Variants in PTPRD observed in about 807,000 individuals in gnomAD.
PTPRD encodes protein tyrosine phosphatase receptor type D.
PTPRD carries 34 observed loss-of-function variants against 214.5 expected under a neutral mutation model. The observed-to-expected ratio is 0.16, with a 90% confidence interval of 0.12 to 0.21. PTPRD has a LOEUF of 0.21. Among genes scored for constraint, PTPRD ranks in the 10% least tolerant of loss-of-function variants. The probability of loss-of-function intolerance (pLI) is 1.00; values close to 1 mark genes in which losing one functional copy is unlikely to be tolerated. For missense variants in PTPRD, 2,545 were observed against 2,398.7 expected, an observed-to-expected ratio of 1.06 and a Z score of -1.27; for synonymous variants, 1,128 against 845.7, an observed-to-expected ratio of 1.33 and a Z score of -5.79.
chr9:8,723,849 C>T (rs12682840), intron 12 of PTPRD, among the ~76,000 whole-genome samples: 1 of 152,152 alleles, frequency 6.6e-6, no homozygotes, highest in Non-Finnish European at 1.5e-5. Flanking sequence ...GTATTTTTAG[C>T]TTAAAAGGAA....
At chr9:8,546,234 G>A (rs1339328105) in intron 14 of PTPRD, among the ~76,000 whole-genome samples, 1 of 152,174 alleles carries the variant, frequency 6.6e-6, no homozygotes, top group African/African-American at 2.4e-5. Context: ...ATTTTGGTTA[G>A]CTAAAGGATG....
intron 10 of PTPRD, among the ~76,000 whole-genome samples, chr9:9,131,488 A>G (rs1021152230): frequency 4.6e-5 from 7 of 152,180 alleles, no homozygotes; most frequent in African/African-American, 1.7e-4. Flanking sequence ...GCAGTTCGCT[A>G]TTACCATTGT....
At chr9:10,014,619 A>C (rs981024323) in intron 4 of PTPRD, among the ~76,000 whole-genome samples, 3 of 152,074 alleles carry the variant, frequency 2.0e-5, no homozygotes, top group African/African-American at 7.2e-5. Context: ...ACACAGCCTC[A>C]ACAAGTCATA....
At chr9:8,340,217 G>C (rs775590955) in intron 42 of PTPRD, 126 bp downstream of exon 42, 6 of 1,101,086 alleles carry the variant, frequency 5.4e-6, no homozygotes, top group African/African-American at 4.7e-5. Flanking sequence ...ATGATGGTCC[G>C]GATTATGTCC....
chr9:9,280,681 T>G (rs1039245420), intron 9 of PTPRD, among the ~76,000 whole-genome samples: 5 of 151,340 alleles, frequency 3.3e-5, no homozygotes, highest in Non-Finnish European at 7.4e-5. Context: ...GAAGACTCAT[T>G]AATGTCAGGA....
chr9:10,564,568 T>C (rs1042609172), intron 2 of PTPRD, among the ~76,000 whole-genome samples: 1 of 152,070 alleles, frequency 6.6e-6, no homozygotes, highest in African/African-American at 2.4e-5. Context: ...AGCTATATCC[T>C]TTAGAGCATT....
chr9:9,275,109 T>A (rs1434842185), intron 9 of PTPRD, among the ~76,000 whole-genome samples: 10 of 62,988 alleles, frequency 1.6e-4, no homozygotes, highest in Admixed American at 5.4e-4. Context: ...TATAATATAT[T>A]ATATATATAT....
chr9:8,801,311 C>G (rs534849743), intron 11 of PTPRD, among the ~76,000 whole-genome samples: 1 of 152,166 alleles, frequency 6.6e-6, no homozygotes, highest in Non-Finnish European at 1.5e-5. Flanking sequence ...TTGGCATCAT[C>G]TGATGGAATT....
At chr9:8,410,912 G>A (rs2093461210) in intron 35 of PTPRD, among the ~76,000 whole-genome samples, 2 of 152,092 alleles carry the variant, frequency 1.3e-5, no homozygotes, top group Admixed American at 6.6e-5. Flanking sequence ...TCCATGGCAA[G>A]TGAGTAAATA....
intron 6 of PTPRD, among the ~76,000 whole-genome samples, chr9:9,752,769 G>A (rs191073982): frequency 6.6e-6 from 1 of 152,122 alleles, no homozygotes. Flanking sequence ...GTTTTACATT[G>A]TTTAGAAGAT....
rs140355394 is a variant in PTPRD, at chr9:9,142,539, T to C, written c.-143+40765A>G. Among the ~76,000 whole-genome samples the C allele has an allele frequency of 2.1e-4, 32 of 152,344 alleles. No individual in the cohort carries two copies. The East Asian group carries it at 6.0e-3, about 28-fold the overall frequency. On this transcript the variant is annotated intron_variant, in intron 10 of 45. Transcript: ENST00000381196. ...TTGCCAAAGTTAGCAGTGACTTATG[T>C]TCACCTGGTAGTCTTTAAATTGCCT...
intron 9 of PTPRD, among the ~76,000 whole-genome samples, chr9:9,183,701 C>A (rs1383365022): frequency 6.6e-6 from 1 of 151,950 alleles, no homozygotes; most frequent in African/African-American, 2.4e-5. Flanking sequence ...CAGTAAACAT[C>A]TTGGTTTGTT....
intron 7 of PTPRD, among the ~76,000 whole-genome samples, chr9:9,708,492 C>A (rs907747009): frequency 2.6e-5 from 4 of 151,986 alleles, no homozygotes; most frequent in African/African-American, 9.7e-5. Flanking sequence ...TTATTACTGC[C>A]ATTATTGTTT....
intron 12 of PTPRD, among the ~76,000 whole-genome samples, chr9:8,712,680 G>C (rs1229407728): frequency 6.9e-6 from 1 of 145,890 alleles, no homozygotes; most frequent in African/African-American, 2.5e-5. Flanking sequence ...GTCTTTTCAT[G>C]TTAATAAAAT....
rs181516686 is a variant in PTPRD at position 10,423,433 on chromosome 9, A to G, written c.-599-82416T>C. ...ACAAACCTGCATGTTGTGCATATGTACCCTAGAACTTAAAATATAATTTAA... is the reference window on the plus strand; with the variant it reads ...ACAAACCTGCATGTTGTGCATATGTGCCCTAGAACTTAAAATATAATTTAA... On this transcript the variant is annotated intron_variant, in intron 2 of 45. Transcript: ENST00000381196. Among the ~76,000 whole-genome samples the G allele has an allele frequency of 2.0e-5, 3 of 152,156 alleles. No individual in the cohort carries two copies. The East Asian group carries it at 5.8e-4, about 30-fold the overall frequency.
chr9:9,387,216 A>G (rs1265767587), intron 9 of PTPRD, among the ~76,000 whole-genome samples: 1 of 152,174 alleles, frequency 6.6e-6, no homozygotes, highest in Non-Finnish European at 1.5e-5. Context: ...TCTAGTAAAG[A>G]CCCAGAGAAA....
chr9:9,118,055 C>T (rs2099814039), intron 10 of PTPRD, among the ~76,000 whole-genome samples: 1 of 152,164 alleles, frequency 6.6e-6, no homozygotes, highest in South Asian at 2.1e-4. Context: ...CATAAACTCC[C>T]TGGCTTCAGG....
At position 9,044,350 on chromosome 9, in the gene PTPRD, A is replaced by G. The variant is rs2099662717; in HGVS notation, c.-142-25615T>C. 3.3e-5 allele frequency among the ~76,000 whole-genome samples: 5 copies of G among 152,346 alleles called. No individual in the cohort carries two copies. In the South Asian group the frequency reaches 1.0e-3, roughly 32 times the overall value. On this transcript the variant is annotated intron_variant, in intron 10 of 45. Transcript: ENST00000381196. ...TATTTGCTATGGATAGATGTGATTG[A>G]CCACTGTGAGTGGCCCATGTTAATC...
intron 10 of PTPRD, among the ~76,000 whole-genome samples, chr9:9,038,681 A>C (rs1335878225): frequency 6.6e-6 from 1 of 151,380 alleles, no homozygotes; most frequent in Non-Finnish European, 1.5e-5. Flanking sequence ...CAACCTCCCA[A>C]GTAGCTGGGA....
Sources: gnomAD v4.1 joint callset for allele counts (sites outside exome capture counted in the v4.1 genomes callset) on GRCh38, gnomAD v4.1.1 for gene constraint, MANE v1.5 for transcripts, NCBI Gene and HGNC (gene_info 2026-07-23, HGNC 2026-07-21) for gene names.